Variants in CNTN4 observed in about 807,000 individuals in gnomAD.
The protein encoded by CNTN4 is contactin-4.
A neutral mutation model predicts 122.5 loss-of-function variants in CNTN4; 77 were observed. The observed-to-expected ratio is 0.63, with a 90% CI of 0.52 to 0.76. The LOEUF is 0.76. Ranked by LOEUF, CNTN4 falls within the 30% of genes least tolerant of loss-of-function variation. The probability of loss-of-function intolerance (pLI) is 0.00; values close to 1 mark genes in which losing one functional copy is unlikely to be tolerated. For synonymous variants in CNTN4, 512 were observed against 447.0 expected (o/e 1.15, Z -1.83); for missense variants, 1,256 against 1,259.1 (o/e 1.00, Z 0.04).
intron 3 of CNTN4, among the ~76,000 whole-genome samples, chr3:2,361,695 A>G (rs941972771): frequency 6.6e-6 from 1 of 152,246 alleles, no homozygotes; most frequent in Non-Finnish European, 1.5e-5. Context: ...TAAAATAAAA[A>G]TATTTTCTAC....
chr3:2,110,548 T>G (rs886488726), intron 2 of CNTN4: 8 of 152,264 alleles, frequency 5.3e-5, no homozygotes, highest in African/African-American at 1.9e-4. Flanking sequence ...CCATCTGCTT[T>G]CTGCTGCCTT....
rs142960309 is a variant in CNTN4 at position 2,637,531 on chromosome 3, G to T, written c.55+65973G>T. Among the ~76,000 whole-genome samples the T allele has an allele frequency of 7.9e-3, 1,209 of 152,182 alleles. 16 individuals carry two copies. The highest frequency in any genetic ancestry group is 0.027 in the African/African-American group (1,115 of 41,524). ...CACACACTTCAGTTGCTGTTCTTCA[G>T]GTTGTGCAATACAGGGGCCCAAGTA... On this transcript the variant is annotated intron_variant, in intron 4 of 24. Coordinates refer to ENST00000418658, the MANE Select transcript of CNTN4 (RefSeq NM_175607.3).
At chr3:2,596,073 T>A (rs1175720529) in intron 4 of CNTN4, among the ~76,000 whole-genome samples, 1 of 152,228 alleles carries the variant, frequency 6.6e-6, no homozygotes, top group Non-Finnish European at 1.5e-5. Context: ...GCATGTGCCT[T>A]TACATGAAGG....
intron 3 of CNTN4, among the ~76,000 whole-genome samples, chr3:2,390,955 T>TA: frequency 6.6e-6 from 1 of 152,336 alleles, no homozygotes; most frequent in South Asian, 2.1e-4. Context: ...TTTTTGAGGT[T>TA]ATAAAATAAG....
intron 3 of CNTN4, among the ~76,000 whole-genome samples, chr3:2,366,476 C>T (rs1028576842): frequency 3.9e-5 from 6 of 152,010 alleles, no homozygotes; most frequent in African/African-American, 1.4e-4. Context: ...ACCTGTAATC[C>T]CAGCACTTTG....
intron 3 of CNTN4, among the ~76,000 whole-genome samples, chr3:2,339,529 G>A (rs187636935): frequency 6.6e-6 from 1 of 152,286 alleles, no homozygotes. Context: ...CATAGAAAGT[G>A]TATATTGGGA....
intron 3 of CNTN4, among the ~76,000 whole-genome samples, chr3:2,455,901 C>G (rs1380252520): frequency 6.6e-6 from 1 of 152,026 alleles, no homozygotes; most frequent in Non-Finnish European, 1.5e-5. Flanking sequence ...TCTCTTCTCT[C>G]TGTCAGTTCT....
rs72363068 is a variant in CNTN4 at position 2,919,189 on chromosome 3, C to CAAAA, written c.1208-6429_1208-6426dup. On this transcript the variant is annotated intron_variant, in intron 12 of 24. Transcript: ENST00000418658. ...TGAAACCCCATCTCTACTAAAAATA[C>CAAAA]AAAAAAAAAAAAAATTGCCAGGTGT... Among the ~76,000 whole-genome samples the CAAAA allele has an allele frequency of 7.8e-4, 108 of 137,996 alleles. 3 individuals carry two copies. Among genetic ancestry groups the CAAAA allele is most frequent in the Admixed American group, 1.1e-3 (15 of 13,854 alleles). The allele number at this position is 137,996 out of a possible 152,430, so 90.5% of individuals were successfully genotyped here.
intron 7 of CNTN4, among the ~76,000 whole-genome samples, chr3:2,847,851 C>T (rs2093480594): frequency 6.6e-6 from 1 of 152,198 alleles, no homozygotes; most frequent in South Asian, 2.1e-4. Flanking sequence ...CCTGTCTTCC[C>T]TGCCCACATG....
intron 2 of CNTN4, among the ~76,000 whole-genome samples, chr3:2,162,745 A>G (rs192431088): frequency 6.6e-6 from 1 of 152,192 alleles, no homozygotes. Context: ...AACAATAATG[A>G]TATGGAAGTT....
At chr3:2,452,678 G>A (rs114635881) in intron 3 of CNTN4, among the ~76,000 whole-genome samples, 2,639 of 152,088 alleles carry the variant, frequency 0.017, 80 homozygotes, top group African/African-American at 0.06. Flanking sequence ...CTACCCTTTC[G>A]GAATCAATCA....
rs545352614 is a variant in CNTN4, at chr3:2,916,508, C to A, written c.1208-9121C>A. Among the ~76,000 whole-genome samples the A allele has an allele frequency of 3.5e-3, 517 of 146,830 alleles. 5 individuals carry two copies. The highest frequency in any genetic ancestry group is 0.012 in the African/African-American group (480 of 39,064). On this transcript the variant is annotated intron_variant, in intron 12 of 24. Transcript: ENST00000418658. ...GACACAACACATGTTTCAGAGAGCA[C>A]GGGGTTGGGGGTAAGGCCATAGATT...
chr3:2,321,798 GTATTCCTGT>G (rs1450791447), intron 2 of CNTN4, among the ~76,000 whole-genome samples: 1 of 151,536 alleles, frequency 6.6e-6, no homozygotes, highest in Non-Finnish European at 1.5e-5. Context: ...TGTCACTTGG[GTATTCCTGT>G]TATAAGAGAG....
chr3:2,421,876 A>T (rs1258045159), intron 3 of CNTN4, among the ~76,000 whole-genome samples: 5 of 152,210 alleles, frequency 3.3e-5, no homozygotes, highest in African/African-American at 9.6e-5. Flanking sequence ...TCACAGAGAG[A>T]TTAAATAATT....
chr3:2,424,521 A>C (rs2047742596), intron 3 of CNTN4, among the ~76,000 whole-genome samples: 1 of 152,118 alleles, frequency 6.6e-6, no homozygotes, highest in South Asian at 2.1e-4. Context: ...TGCCGCACTA[A>C]ACATATGTGT....
At chr3:2,532,567 T>G (rs1403397741) in intron 3 of CNTN4, among the ~76,000 whole-genome samples, 1 of 152,182 alleles carries the variant, frequency 6.6e-6, no homozygotes, top group Non-Finnish European at 1.5e-5. Flanking sequence ...GGAAATATAG[T>G]TCTATGAAAG....
At chr3:2,533,230 C>A (rs947886862) in intron 3 of CNTN4, among the ~76,000 whole-genome samples, 4 of 151,576 alleles carry the variant, frequency 2.6e-5, no homozygotes, top group African/African-American at 9.7e-5. Context: ...GTGTGCTGCA[C>A]CCATTAACTC....
Position 2,176,170 on chromosome 3 carries a change from C to T in CNTN4, c.-145+75531C>T, listed in dbSNP as rs547631513. On this transcript the variant is annotated intron_variant, in intron 2 of 24. Coordinates refer to ENST00000418658, the MANE Select transcript of CNTN4 (RefSeq NM_175607.3). ...CATGCATTAACTATGTAGCCAATGACAGGCCTTCTAGGATGAGCAGATTCT... is the reference window on the plus strand; with the variant it reads ...CATGCATTAACTATGTAGCCAATGATAGGCCTTCTAGGATGAGCAGATTCT... Among the ~76,000 whole-genome samples the T allele has an allele frequency of 8.2e-4, 125 of 152,294 alleles. 1 individual carries two copies. The highest frequency in any genetic ancestry group is 1.5e-3 in the Admixed American group (23 of 15,292).
intron 2 of CNTN4, among the ~76,000 whole-genome samples, chr3:2,233,375 A>C (rs2039561878): frequency 6.6e-6 from 1 of 152,122 alleles, no homozygotes; most frequent in Admixed American, 6.6e-5. Flanking sequence ...TAACCTCTTA[A>C]GTGGTCGATC....
Sources: allele counts gnomAD v4.1 joint callset (sites outside exome capture counted in the v4.1 genomes callset), GRCh38; gene constraint gnomAD v4.1.1; transcripts MANE v1.5; gene names NCBI Gene and HGNC (gene_info 2026-07-23, HGNC 2026-07-21).